Variants in TENM2 observed in about 807,000 individuals in gnomAD.
TENM2 encodes teneurin transmembrane protein 2.
TENM2 carries 52 observed loss-of-function variants against 245.2 expected under a neutral mutation model. The ratio of observed to expected loss-of-function variants is 0.21; its 90% CI spans 0.17 to 0.27. TENM2 has a LOEUF of 0.27. Ranked by LOEUF, TENM2 falls within the 10% of genes least tolerant of loss-of-function variation. The pLI, the probability that TENM2 is intolerant of heterozygous loss-of-function variation, is 1.00. For missense variants in TENM2, 3,046 were observed against 3,666.8 expected (o/e 0.83, Z 4.37); for synonymous variants, 1,363 against 1,438.9 (o/e 0.95, Z 1.19).
the TENM2 span, among the ~76,000 whole-genome samples, chr5:167,128,428 G>A: frequency 1.3e-5 from 2 of 152,020 alleles, no homozygotes; most frequent in Non-Finnish European, 1.5e-5. Flanking sequence ...AACTCAGACG[G>A]CTGATTCAGT....
chr5:167,693,786 T>A (rs554905478), intron 2 of TENM2, among the ~76,000 whole-genome samples: 45 of 152,304 alleles, frequency 3.0e-4, no homozygotes, highest in African/African-American at 1.1e-3. Context: ...ATGCTGTGTT[T>A]CACTTACAGT....
the TENM2 span, among the ~76,000 whole-genome samples, chr5:167,118,788 G>A: frequency 1.3e-5 from 2 of 152,166 alleles, no homozygotes; most frequent in Non-Finnish European, 2.9e-5. Context: ...GTAGTACGGA[G>A]TTCTGTGTAT....
chr5:167,315,700 A>G (rs905543402), intron 1 of TENM2, among the ~76,000 whole-genome samples: 2 of 152,120 alleles, frequency 1.3e-5, no homozygotes, highest in Non-Finnish European at 2.9e-5. Flanking sequence ...AATCCCTCCT[A>G]TTCCTAAAAC....
intron 2 of TENM2, among the ~76,000 whole-genome samples, chr5:167,483,771 G>C (rs979843411): frequency 6.6e-6 from 1 of 151,988 alleles, no homozygotes; most frequent in Non-Finnish European, 1.5e-5. Flanking sequence ...TATTTTTTAA[G>C]CCAAAAATTT....
At chr5:167,353,544 G>T (rs1386753078) in intron 1 of TENM2, among the ~76,000 whole-genome samples, 1 of 107,160 alleles carries the variant, frequency 9.3e-6, no homozygotes, top group African/African-American at 3.6e-5. Context: ...GTCTCGCTCT[G>T]TCGCCCAGGC....
chr5:167,426,236 C>T (rs1415607294), intron 2 of TENM2, among the ~76,000 whole-genome samples: 1 of 152,008 alleles, frequency 6.6e-6, no homozygotes, highest in Non-Finnish European at 1.5e-5. Context: ...ATGAGCCATG[C>T]AATATAAAAT....
intron 14 of TENM2, chr5:168,190,954 A>G (rs1473825015): frequency 6.3e-6 from 1 of 159,628 alleles, no homozygotes; most frequent in Non-Finnish European, 1.4e-5. Flanking sequence ...TATTAACTTG[A>G]TAACATAACC....
intron 2 of TENM2, among the ~76,000 whole-genome samples, chr5:167,426,258 A>G (rs1383740532): frequency 1.3e-5 from 2 of 152,170 alleles, no homozygotes; most frequent in East Asian, 1.9e-4. Context: ...GCACTGTAAC[A>G]TCTCTTCAAA....
intron 2 of TENM2, among the ~76,000 whole-genome samples, chr5:167,873,231 G>A (rs1039842294): frequency 2.6e-5 from 4 of 152,234 alleles, no homozygotes; most frequent in African/African-American, 7.2e-5. Context: ...AACTCTGTCG[G>A]ATGATAGCGG....
intron 1 of TENM2, among the ~76,000 whole-genome samples, chr5:167,336,022 A>C (rs527867727): frequency 1.3e-5 from 2 of 152,242 alleles, no homozygotes; most frequent in East Asian, 3.9e-4. Context: ...ACCACACAAT[A>C]GTAAGTCATG....
At chr5:167,353,018 G>T (rs1167092039) in intron 1 of TENM2, among the ~76,000 whole-genome samples, 1 of 152,084 alleles carries the variant, frequency 6.6e-6, no homozygotes, top group Non-Finnish European at 1.5e-5. Context: ...TCTCAAAGCG[G>T]CGCATAACGA....
At chr5:168,194,837 A>T (rs145443086) in intron 14 of TENM2, among the ~76,000 whole-genome samples, 4 of 152,182 alleles carry the variant, frequency 2.6e-5, no homozygotes, top group African/African-American at 9.7e-5. Flanking sequence ...TCACCCGAGT[A>T]TGGCACTCTC....
chr5:168,148,713 G>C (rs1411717004), intron 12 of TENM2, among the ~76,000 whole-genome samples: 1 of 152,116 alleles, frequency 6.6e-6, no homozygotes, highest in African/African-American at 2.4e-5. Flanking sequence ...ATGTTTTATT[G>C]CTTCTGTACA....
chr5:168,122,521 G>A (rs550633844), intron 10 of TENM2, among the ~76,000 whole-genome samples: 4 of 152,200 alleles, frequency 2.6e-5, no homozygotes, highest in Non-Finnish European at 4.4e-5. Context: ...TCAAGTTTAC[G>A]TTCAGATGTG....
intron 2 of TENM2, among the ~76,000 whole-genome samples, chr5:167,638,055 T>C (rs918099562): frequency 1.3e-5 from 2 of 149,766 alleles, no homozygotes; most frequent in African/African-American, 2.5e-5. Flanking sequence ...GATTATAAAG[T>C]TCTATGGTTT....
the TENM2 span, among the ~76,000 whole-genome samples, chr5:167,040,130 C>T: frequency 6.6e-6 from 1 of 152,010 alleles, no homozygotes; most frequent in Non-Finnish European, 1.5e-5. Context: ...AAAATCAAAT[C>T]TCCTCATCTT....
At chr5:167,793,847 AAAAG>A (rs1283519043) in intron 2 of TENM2, among the ~76,000 whole-genome samples, 3 of 152,008 alleles carry the variant, frequency 2.0e-5, no homozygotes, top group African/African-American at 7.2e-5. Context: ...AAAAGAAAAA[AAAAG>A]AAGCACTAAG....
rs907162942 is a variant in TENM2, at chr5:168,193,113, G to A, written c.2781-2063G>A. On this transcript the variant is annotated intron_variant, in intron 14 of 28. Coordinates refer to ENST00000518659, the Ensembl canonical transcript of TENM2. Reference sequence around the variant, plus strand: ...GAAAGAAAGTTGCTTTAGAGAAAGCGTCTCGGAAGCTTTAAATGTAAACAA... The same window carrying A: ...GAAAGAAAGTTGCTTTAGAGAAAGCATCTCGGAAGCTTTAAATGTAAACAA... Among the ~76,000 whole-genome samples the A allele has an allele frequency of 2.7e-4, 41 of 152,194 alleles. 1 individual carries two copies. Among genetic ancestry groups the A allele is most frequent in the East Asian group, 1.9e-4 (1 of 5,192 alleles).
chr5:168,029,631 C>T (rs1267720421), intron 5 of TENM2, among the ~76,000 whole-genome samples: 1 of 152,186 alleles, frequency 6.6e-6, no homozygotes, highest in African/African-American at 2.4e-5. Context: ...GTCAGTACCT[C>T]CACAGTCAGG....
Sources: allele counts gnomAD v4.1 joint callset (sites outside exome capture counted in the v4.1 genomes callset), GRCh38; gene constraint gnomAD v4.1.1; transcripts MANE v1.5; gene names NCBI Gene and HGNC (gene_info 2026-07-23, HGNC 2026-07-21).